The following PIWIL2 variants were observed in gnomAD, a reference collection of about 807,000 sequenced individuals.
The protein encoded by PIWIL2 is piwi like RNA-mediated gene silencing 2, also known as piwi-like protein 2.
A neutral mutation model predicts 116.5 loss-of-function variants in PIWIL2; 81 were observed. That is an observed-to-expected ratio of 0.70 (90% CI 0.58 to 0.84). The LOEUF (loss-of-function observed/expected upper bound fraction) is 0.84. PIWIL2 is among the 40% of genes least tolerant of loss of function. The pLI, the probability that PIWIL2 is intolerant of heterozygous loss-of-function variation, is 0.00. For missense variants in PIWIL2, 1,272 were observed against 1,212.3 expected (o/e 1.05, Z -0.73); for synonymous variants, 489 against 429.5 (o/e 1.14, Z -1.71).
chr8:22,289,830 C>G lies in PIWIL2; in HGVS notation c.987-17C>G, dbSNP rs770599667. On this transcript the variant is annotated splice_polypyrimidine_tract_variant and intron_variant, in intron 8 of 22. Coordinates refer to ENST00000356766, the MANE Select transcript of PIWIL2 (RefSeq NM_018068.5). Reference sequence around the variant, plus strand: ...TTACTCTTCTATTAGAAAACTCATACTTGCTTTTTATTTCAGGGTAATGAA... The same window carrying G: ...TTACTCTTCTATTAGAAAACTCATAGTTGCTTTTTATTTCAGGGTAATGAA... 6.0e-6 allele frequency: 9 copies of G among 1,512,364 alleles called. 1 individual carries two copies. The South Asian group carries it at 9.0e-5, about 15-fold the overall frequency. 93.7% of individuals were successfully genotyped at this position (1,512,364 alleles called of 1,614,324 possible).
intron 10 of PIWIL2, among the ~76,000 whole-genome samples, chr8:22,294,769 A>AT (rs1830852655): frequency 6.7e-6 from 1 of 150,362 alleles, no homozygotes; most frequent in Non-Finnish European, 1.5e-5. Flanking sequence ...ATTGAAATGT[A>AT]TTTTGTTTTG....
At chr8:22,307,350 C>A (rs1325149796) in intron 13 of PIWIL2, among the ~76,000 whole-genome samples, 1 of 151,964 alleles carries the variant, frequency 6.6e-6, no homozygotes, top group African/African-American at 2.4e-5. Context: ...TAATCAAGCC[C>A]CTTTGTTCCT....
At chr8:22,294,786 C>G (rs1830852842) in intron 10 of PIWIL2, among the ~76,000 whole-genome samples, 1 of 148,872 alleles carries the variant, frequency 6.7e-6, no homozygotes, top group Admixed American at 6.8e-5. Context: ...TTTGGCCAGG[C>G]ACAGTGGCTC....
At chr8:22,350,651 A>T in intron 20 of PIWIL2, among the ~76,000 whole-genome samples, 1 of 152,280 alleles carries the variant, frequency 6.6e-6, no homozygotes, top group East Asian at 1.9e-4. Flanking sequence ...TGTGAAGATG[A>T]ATTACATACT....
chr8:22,309,193 C>T (rs2132039817), intron 14 of PIWIL2, among the ~76,000 whole-genome samples: 1 of 152,184 alleles, frequency 6.6e-6, no homozygotes, highest in South Asian at 2.1e-4. Context: ...AACTCCTGAC[C>T]TCGTGATCCA....
At chr8:22,301,403 C>T (rs117646960) in intron 10 of PIWIL2, among the ~76,000 whole-genome samples, 7,536 of 152,200 alleles carry the variant, frequency 0.05, 289 homozygotes, top group Admixed American at 0.086. Context: ...GGCTGATTCT[C>T]ATGCCTTGGC....
At position 22,343,774 on chromosome 8, in the gene PIWIL2, A is replaced by G. The variant is rs541343363; in HGVS notation, c.2404-9185A>G. On this transcript the variant is annotated intron_variant, in intron 20 of 22. Transcript: ENST00000356766. ...AGGGTGTAGAGCCATAGGAACGCTC[A>G]CTCACGGCTGGTGAGAATGGAAATG... 1.3e-4 allele frequency among the ~76,000 whole-genome samples: 20 copies of G among 152,268 alleles called. No homozygotes were observed. The South Asian group carries it at 3.1e-3, about 24-fold the overall frequency.
intron 20 of PIWIL2, chr8:22,321,898 C>A (rs1831607980): frequency 1.0e-6 from 1 of 985,114 alleles, no homozygotes; most frequent in African/African-American, 1.7e-5. Context: ...TGCCGCCTTA[C>A]ACATTTTCAG....
intron 13 of PIWIL2, among the ~76,000 whole-genome samples, chr8:22,307,326 A>G (rs1831206558): frequency 6.6e-6 from 1 of 151,928 alleles, no homozygotes; most frequent in Admixed American, 6.6e-5. Context: ...CAGGCCCCAC[A>G]TTTTAAGTAG....
At chr8:22,298,842 C>T (rs980503047) in intron 10 of PIWIL2, among the ~76,000 whole-genome samples, 1 of 152,156 alleles carries the variant, frequency 6.6e-6, no homozygotes, top group African/African-American at 2.4e-5. Flanking sequence ...GTTACTCAGG[C>T]GAGACTCTTG....
rs568459536 is a variant in PIWIL2, at chr8:22,298,169, A to G, written c.1182-5852A>G. On this transcript the variant is annotated intron_variant, in intron 10 of 22. Coordinates refer to ENST00000356766, the MANE Select transcript of PIWIL2 (RefSeq NM_018068.5). ...CTACTCGGGAGGCCGAGGTGGGAGAATCATCTGAGCTGGAATGTCAAGGCT... is the reference window on the plus strand; with the variant it reads ...CTACTCGGGAGGCCGAGGTGGGAGAGTCATCTGAGCTGGAATGTCAAGGCT... Among the ~76,000 whole-genome samples, 12 of 152,218 alleles carry G rather than the reference A, an allele frequency of 7.9e-5. No homozygotes were observed. In the South Asian group the frequency reaches 2.5e-3, roughly 32 times the overall value.
rs530145978 is a variant in PIWIL2 at position 22,311,538 on chromosome 8, T to C, written c.1989+238T>C. Among the ~76,000 whole-genome samples the C allele has an allele frequency of 3.9e-5, 6 of 152,344 alleles. No individual in the cohort carries two copies. The South Asian group carries it at 1.2e-3, about 32-fold the overall frequency. Reference sequence around the variant, plus strand: ...GTCTTCTTTTTCTTACGTAACTGGCTGAGAGAATAGCTGACTTAACTGTGG... The same window carrying C: ...GTCTTCTTTTTCTTACGTAACTGGCCGAGAGAATAGCTGACTTAACTGTGG... On this transcript the variant is annotated intron_variant, in intron 16 of 22. Coordinates refer to ENST00000356766, the MANE Select transcript of PIWIL2 (RefSeq NM_018068.5).
chr8:22,296,902 A>C (rs1433965402), intron 10 of PIWIL2, among the ~76,000 whole-genome samples: 1 of 151,578 alleles, frequency 6.6e-6, no homozygotes, highest in Non-Finnish European at 1.5e-5. Context: ...ATGTTTTCCA[A>C]CTTGCCTTTA....
At chr8:22,275,877 C>T (rs959095883) in intron 1 of PIWIL2, 2 of 152,356 alleles carry the variant, frequency 1.3e-5, no homozygotes, top group African/African-American at 2.4e-5. Context: ...AGCCAAGTAT[C>T]TGCTACCTGA....
At chr8:22,311,657 C>G (rs1057150731) in intron 16 of PIWIL2, among the ~76,000 whole-genome samples, 1 of 152,226 alleles carries the variant, frequency 6.6e-6, no homozygotes, top group African/African-American at 2.4e-5. Context: ...TCAGTCCGGC[C>G]TGGTTCAAGA....
chr8:22,351,295 G>A (rs1243510949), intron 20 of PIWIL2, among the ~76,000 whole-genome samples: 2 of 150,062 alleles, frequency 1.3e-5, no homozygotes, highest in African/African-American at 2.4e-5. Context: ...TCTAACCTGA[G>A]CAACAGAGTG....
intron 19 of PIWIL2, 103 bp from the exon 20 acceptor site, chr8:22,318,067 T>A: frequency 3.0e-6 from 2 of 656,532 alleles, no homozygotes; most frequent in Admixed American, 5.6e-5. Flanking sequence ...GTTTTTGGAT[T>A]GATTGGTAGA....
At chr8:22,318,371 G>A in intron 20 of PIWIL2, 96 bp downstream of exon 20, 2 of 670,176 alleles carry the variant, frequency 3.0e-6, no homozygotes, top group Non-Finnish European at 5.2e-6. Flanking sequence ...AGGTTGGAGT[G>A]CAGTGGTGCG....
Position 22,279,373 on chromosome 8 carries a change from T to C in PIWIL2, c.-14T>C, listed in dbSNP as rs1305755654. Reference sequence around the variant, plus strand: ...ACCAGAACAGGATCGACACGTGTTCTCTACAGCCCGTCCATGGATCCTTTC... The same window carrying C: ...ACCAGAACAGGATCGACACGTGTTCCCTACAGCCCGTCCATGGATCCTTTC... On this transcript the variant is annotated 5_prime_UTR_variant, in exon 2 of 23. Coordinates refer to ENST00000356766, the MANE Select transcript of PIWIL2 (RefSeq NM_018068.5). 2.5e-6 allele frequency: 4 copies of C among 1,610,752 alleles called. No homozygotes were observed. The highest frequency in any genetic ancestry group is 3.4e-6 in the Non-Finnish European group (4 of 1,176,866).
Sources: gnomAD v4.1 joint callset for allele counts (sites outside exome capture counted in the v4.1 genomes callset) on GRCh38, gnomAD v4.1.1 for gene constraint, MANE v1.5 for transcripts, NCBI Gene and HGNC (gene_info 2026-07-23, HGNC 2026-07-21) for gene names.